THNSL1: variants seen among roughly 807,000 people sequenced by gnomAD.
THNSL1 encodes threonine synthase-like 1.
In THNSL1, 48 loss-of-function variants were observed where a neutral mutation model predicts 50.4. The ratio of observed to expected loss-of-function variants is 0.95; its 90% CI spans 0.76 to 1.21. The LOEUF (loss-of-function observed/expected upper bound fraction) is 1.21, where lower values mean the gene tolerates loss of function less well. Ranked by LOEUF, THNSL1 falls within the 50% of genes most tolerant of loss-of-function variation. The pLI is 0.00. For synonymous variants in THNSL1, 309 were observed against 306.1 expected (o/e 1.01, Z -0.10); for missense variants, 896 against 871.7 (o/e 1.03, Z -0.35).
At chr10:25,020,129 T>G (rs1850687409) in intron 1 of THNSL1, among the ~76,000 whole-genome samples, 1 of 152,080 alleles carries the variant, frequency 6.6e-6, no homozygotes, top group Non-Finnish European at 1.5e-5. Context: ...TCTTTAGAAA[T>G]AATATATATT....
At chr10:25,015,970 A>G, upstream of THNSL1, 3 of 1,589,638 alleles carry the variant, frequency 1.9e-6, no homozygotes, top group Non-Finnish European at 2.6e-6. Flanking sequence ...GCTACTCTCC[A>G]CAACTTTTTT....
chr10:25,012,118 T>C (rs1033444755), upstream of THNSL1, among the ~76,000 whole-genome samples: 11 of 152,244 alleles, frequency 7.2e-5, no homozygotes, highest in African/African-American at 1.7e-4. Context: ...GGCTTCCACA[T>C]GGTGTTGGGA....
At chr10:25,008,908 A>G in the THNSL1 span, among the ~76,000 whole-genome samples, 1 of 152,256 alleles carries the variant, frequency 6.6e-6, no homozygotes, top group Admixed American at 6.5e-5. Flanking sequence ...CATATATACC[A>G]TGGAATACTA....
chr10:25,003,365 C>T, the THNSL1 span, among the ~76,000 whole-genome samples: 1 of 151,986 alleles, frequency 6.6e-6, no homozygotes, highest in Admixed American at 6.6e-5. Context: ...CACCGCCATG[C>T]CTGGCTAATT....
the THNSL1 span, among the ~76,000 whole-genome samples, chr10:25,007,983 G>A: frequency 2.0e-5 from 3 of 147,906 alleles, no homozygotes; most frequent in African/African-American, 4.9e-5. Context: ...TTATATATAT[G>A]TATATATAAT....
chr10:25,002,683 A>G, the THNSL1 span, among the ~76,000 whole-genome samples: 2 of 152,156 alleles, frequency 1.3e-5, no homozygotes, highest in African/African-American at 4.8e-5. Flanking sequence ...AACAACTTGT[A>G]TTATCTTCTT....
chr10:25,023,002 T>A (rs1850755707), intron 2 of THNSL1, among the ~76,000 whole-genome samples, 174 bp from the exon 3 acceptor site: 1 of 152,232 alleles, frequency 6.6e-6, no homozygotes, highest in South Asian at 2.1e-4. Flanking sequence ...ATATGCAATA[T>A]ATAAGAATTT....
chr10:24,992,365 C>T, the THNSL1 span, among the ~76,000 whole-genome samples: 8 of 152,042 alleles, frequency 5.3e-5, no homozygotes, highest in Non-Finnish European at 1.0e-4. Context: ...AGGAACTCTC[C>T]GAAGAAGCAG....
chr10:25,025,509 C>G lies in THNSL1; in HGVS notation c.*54C>G. On this transcript the variant is annotated 3_prime_UTR_variant, in exon 3 of 3. Transcript: ENST00000376356. The stretch of plus-strand genomic sequence containing the variant: ...GCTATAAGCATGCAATAATAAATCT[C>G]AAACACTGATTTGGAGTACAGTAGC... The G allele has an allele frequency of 1.3e-6, 2 of 1,496,520 alleles. No homozygotes were observed. Among genetic ancestry groups the G allele is most frequent in the Non-Finnish European group, 1.8e-6 (2 of 1,107,990 alleles). 92.7% of individuals were successfully genotyped at this position (1,496,520 alleles called of 1,614,324 possible).
chr10:24,961,352 A>C, the THNSL1 span, among the ~76,000 whole-genome samples: 1 of 152,252 alleles, frequency 6.6e-6, no homozygotes, highest in Non-Finnish European at 1.5e-5. Context: ...GTATAAGTAT[A>C]CTACTTCCAA....
At chr10:24,965,889 T>A in the THNSL1 span, among the ~76,000 whole-genome samples, 1 of 152,236 alleles carries the variant, frequency 6.6e-6, no homozygotes, top group African/African-American at 2.4e-5. Flanking sequence ...CACAACCACC[T>A]GAAACCTGGT....
At chr10:24,960,455 C>G in the THNSL1 span, among the ~76,000 whole-genome samples, 2 of 151,460 alleles carry the variant, frequency 1.3e-5, no homozygotes. Flanking sequence ...GGAGATGGAG[C>G]CTTGCTCTGT....
the THNSL1 span, chr10:24,982,545 C>A: frequency 6.6e-6 from 1 of 152,328 alleles, no homozygotes; most frequent in East Asian, 1.9e-4. Flanking sequence ...CAAGTGACTG[C>A]AGTCTCCATG....
intron 1 of THNSL1, among the ~76,000 whole-genome samples, chr10:25,018,002 A>G (rs1057205540): frequency 1.3e-5 from 2 of 152,238 alleles, no homozygotes; most frequent in South Asian, 4.1e-4. Flanking sequence ...TTCCTGAAAT[A>G]GCAAGTAAGG....
the THNSL1 span, among the ~76,000 whole-genome samples, chr10:24,978,760 G>A: frequency 2.2e-3 from 342 of 152,174 alleles, 3 homozygotes; most frequent in African/African-American, 7.0e-3. Flanking sequence ...CCTGCATTCC[G>A]ATCAGTTTGG....
upstream of THNSL1, chr10:25,015,749 A>T: frequency 9.9e-7 from 1 of 1,014,796 alleles, no homozygotes; most frequent in Non-Finnish European, 1.3e-6. Flanking sequence ...TACTTCATCG[A>T]GGCAAAAATA....
chr10:24,970,020 C>A, the THNSL1 span, among the ~76,000 whole-genome samples: 1 of 152,326 alleles, frequency 6.6e-6, no homozygotes, highest in East Asian at 1.9e-4. Context: ...TGCAAGGGGC[C>A]AGCCCCATTC....
the THNSL1 span, among the ~76,000 whole-genome samples, chr10:24,998,505 G>C: frequency 2.0e-5 from 3 of 151,954 alleles, no homozygotes; most frequent in African/African-American, 4.8e-5. Flanking sequence ...CTCCAGAGTA[G>C]TGAAGACTAC....
At chr10:24,999,346 GT>G in the THNSL1 span, 4 of 1,516,718 alleles carry the variant, frequency 2.6e-6, no homozygotes, top group East Asian at 9.1e-5. Flanking sequence ...TAAAATAATA[GT>G]TAAATCACCT....
Sources: gnomAD v4.1 joint callset for allele counts (sites outside exome capture counted in the v4.1 genomes callset) on GRCh38, gnomAD v4.1.1 for gene constraint, MANE v1.5 for transcripts, NCBI Gene and HGNC (gene_info 2026-07-23, HGNC 2026-07-21) for gene names.